Variants in ERC1 observed in about 807,000 individuals in gnomAD.
ERC1 encodes ELKS/RAB6-interacting/CAST family member 1.
In ERC1, 56 loss-of-function variants were observed where a neutral mutation model predicts 132.0. The observed-to-expected ratio is 0.42, with a 90% CI of 0.34 to 0.53. The LOEUF is 0.53. ERC1 is among the 20% of genes least tolerant of loss of function. The pLI, the probability that ERC1 is intolerant of heterozygous loss-of-function variation, is 0.03. For synonymous variants in ERC1, 478 were observed against 476.1 expected (o/e 1.00, Z -0.05); for missense variants, 1,202 against 1,349.9 (o/e 0.89, Z 1.72).
At chr12:1,242,479 A>G (rs962746902) in intron 13 of ERC1, among the ~76,000 whole-genome samples, 1 of 152,352 alleles carries the variant, frequency 6.6e-6, no homozygotes, top group East Asian at 1.9e-4. Flanking sequence ...GATTTGTGGT[A>G]GATAATAGAG....
At chr12:1,170,122 A>G (rs1952889748) in intron 8 of ERC1, among the ~76,000 whole-genome samples, 1 of 152,216 alleles carries the variant, frequency 6.6e-6, no homozygotes, top group African/African-American at 2.4e-5. Context: ...CTCACTTGAA[A>G]TTGGTATAAT....
chr12:1,471,705 T>G (rs1308124747), intron 18 of ERC1, among the ~76,000 whole-genome samples: 1 of 152,180 alleles, frequency 6.6e-6, no homozygotes, highest in Non-Finnish European at 1.5e-5. Flanking sequence ...TTTCACAAAA[T>G]AATGGTTGAC....
intron 12 of ERC1, among the ~76,000 whole-genome samples, chr12:1,196,878 CTGTCTGTCTG>C (rs1956318832): frequency 7.0e-6 from 1 of 143,094 alleles, no homozygotes; most frequent in African/African-American, 2.7e-5. Flanking sequence ...CTCTCTCTCT[CTGTCTGTCTG>C]TCTCTCTCTG....
chr12:1,422,185 A>G (rs1384457524), intron 17 of ERC1, among the ~76,000 whole-genome samples: 3 of 152,244 alleles, frequency 2.0e-5, no homozygotes, highest in East Asian at 1.9e-4. Flanking sequence ...AAGTTAAACT[A>G]TAAGCTAAAT....
chr12:1,353,213 G>A (rs2085195454), intron 15 of ERC1, among the ~76,000 whole-genome samples: 1 of 151,888 alleles, frequency 6.6e-6, no homozygotes, highest in Non-Finnish European at 1.5e-5. Context: ...TGTATTTGTA[G>A]TAGAGATGGG....
chr12:1,071,380 T>C (rs537324115), intron 2 of ERC1, among the ~76,000 whole-genome samples: 23 of 152,320 alleles, frequency 1.5e-4, no homozygotes, highest in African/African-American at 5.3e-4. Context: ...TGATATCTTA[T>C]TGTGGTTTTG....
intron 17 of ERC1, among the ~76,000 whole-genome samples, chr12:1,431,942 G>T (rs1011166546): frequency 6.6e-6 from 1 of 152,132 alleles, no homozygotes; most frequent in Non-Finnish European, 1.5e-5. Context: ...TGGTGCAATC[G>T]CAGTTCCCTG....
chr12:1,119,328 G>A (rs1454018108), intron 7 of ERC1, among the ~76,000 whole-genome samples: 2 of 151,898 alleles, frequency 1.3e-5, no homozygotes, highest in African/African-American at 4.8e-5. Flanking sequence ...ACAAGGTACA[G>A]TATATATGGA....
At chr12:1,105,295 T>G (rs1945122628) in intron 4 of ERC1, among the ~76,000 whole-genome samples, 1 of 152,188 alleles carries the variant, frequency 6.6e-6, no homozygotes, top group South Asian at 2.1e-4. Context: ...GCAGCTTCAT[T>G]CCATTTGTCA....
chr12:1,141,359 T>A (rs948929813), intron 7 of ERC1, among the ~76,000 whole-genome samples: 2 of 152,190 alleles, frequency 1.3e-5, no homozygotes, highest in East Asian at 1.9e-4. Context: ...CCCAACCCTG[T>A]TGAATCAGAG....
intron 2 of ERC1, among the ~76,000 whole-genome samples, chr12:1,051,523 C>T (rs992285263): frequency 1.4e-5 from 2 of 138,896 alleles, no homozygotes; most frequent in Admixed American, 1.5e-4. Flanking sequence ...GGCCTCGTCT[C>T]TACCCCAAAA....
At chr12:1,007,569 T>TGTGTAC (rs762010744) in intron 1 of ERC1, among the ~76,000 whole-genome samples, 2,289 of 136,052 alleles carry the variant, frequency 0.017, 22 homozygotes, top group Non-Finnish European at 0.027. Flanking sequence ...TGTGTGTGTG[T>TGTGTAC]ACACACTTTG....
In ERC1 at chr12:1,115,240, ATGT is replaced by A. The variant is rs573490168; in HGVS notation, c.1402-624_1402-622del. ...AGGTGTTAGAAAGAAAATACTTTCA[ATGT>A]TAAGAGAGAAATTAATCAATACACA... On this transcript the variant is annotated intron_variant, in intron 6 of 18. Coordinates refer to ENST00000360905, the MANE Select transcript of ERC1 (RefSeq NM_178040.4). Among the ~76,000 whole-genome samples, 17 of 152,314 alleles carry A rather than the reference ATGT, an allele frequency of 1.1e-4. No homozygotes were observed. The South Asian group carries it at 3.5e-3, about 32-fold the overall frequency.
intron 16 of ERC1, among the ~76,000 whole-genome samples, chr12:1,392,945 G>T (rs1257461418): frequency 6.6e-6 from 1 of 152,182 alleles, no homozygotes; most frequent in African/African-American, 2.4e-5. Flanking sequence ...ACGTATGTTT[G>T]TACAGATACA....
At chr12:1,264,785 T>G (rs1329748884) in intron 14 of ERC1, among the ~76,000 whole-genome samples, 1 of 152,016 alleles carries the variant, frequency 6.6e-6, no homozygotes, top group African/African-American at 2.4e-5. Context: ...AGGAAAAAAA[T>G]ACTCAATGAG....
intron 8 of ERC1, among the ~76,000 whole-genome samples, chr12:1,156,987 C>T (rs1319401031): frequency 6.6e-6 from 1 of 151,928 alleles, no homozygotes; most frequent in African/African-American, 2.4e-5. Context: ...TTTTTAACTT[C>T]ATTTATGTAT....
intron 8 of ERC1, among the ~76,000 whole-genome samples, chr12:1,173,096 G>A (rs558843325): frequency 5.3e-4 from 81 of 152,130 alleles, no homozygotes; most frequent in Non-Finnish European, 8.7e-4. Context: ...GTACATGATC[G>A]TAGCAATGGT....
At chr12:1,333,092 G>A (rs1051000946) in intron 15 of ERC1, among the ~76,000 whole-genome samples, 1 of 144,482 alleles carries the variant, frequency 6.9e-6, no homozygotes, top group Non-Finnish European at 1.5e-5. Flanking sequence ...CCTGATCCTC[G>A]TCCTCCTCTC....
At chr12:1,247,809 C>G (rs561433680) in intron 13 of ERC1, among the ~76,000 whole-genome samples, 1 of 152,112 alleles carries the variant, frequency 6.6e-6, no homozygotes, top group Non-Finnish European at 1.5e-5. Context: ...CCAGCATGAC[C>G]AACATGGAGA....
Sources: allele counts gnomAD v4.1 joint callset (sites outside exome capture counted in the v4.1 genomes callset), GRCh38; gene constraint gnomAD v4.1.1; transcripts MANE v1.5; gene names NCBI Gene and HGNC (gene_info 2026-07-23, HGNC 2026-07-21).